The following CALD1 variants were observed in gnomAD, a reference collection of about 807,000 sequenced individuals.
CALD1 encodes the protein caldesmon 1.
Under a neutral mutation model 99.9 loss-of-function variants are expected in CALD1, and 33 were observed. The observed-to-expected ratio is 0.33, with a 90% CI of 0.25 to 0.44. The LOEUF is 0.44. Among genes scored for constraint, CALD1 ranks in the 20% least tolerant of loss-of-function variants. The probability of loss-of-function intolerance (pLI) is 1.00; values close to 1 mark genes in which losing one functional copy is unlikely to be tolerated. For missense variants in CALD1, 861 were observed against 962.1 expected (o/e 0.89, Z 1.39); for synonymous variants, 310 against 325.0 (o/e 0.95, Z 0.50).
intron 3 of CALD1, among the ~76,000 whole-genome samples, chr7:134,917,654 T>C (rs1804314046): frequency 6.6e-6 from 1 of 152,146 alleles, no homozygotes; most frequent in African/African-American, 2.4e-5. Context: ...CAGGCCTATT[T>C]AAAATTCTTA....
intron 3 of CALD1, among the ~76,000 whole-genome samples, chr7:134,917,515 A>C (rs1457641172): frequency 1.3e-5 from 2 of 151,890 alleles, no homozygotes; most frequent in Non-Finnish European, 2.9e-5. Context: ...CGCCCAGCTA[A>C]CTTTTTGTAT....
At chr7:134,761,908 A>G (rs1796781886) in intron 1 of CALD1, among the ~76,000 whole-genome samples, 1 of 152,166 alleles carries the variant, frequency 6.6e-6, no homozygotes. Context: ...GCAGCTTATA[A>G]ACCATCTTAA....
chr7:134,941,206 C>A lies in CALD1; in HGVS notation c.1501C>A (p.His501Asn), dbSNP rs148249348. Residue 501 changes from histidine (H) to asparagine (N), a missense_variant, in exon 7 of 15, where the codon CAC becomes AAC. This residue lies in a region of CALD1 where 293 missense variants were observed against 262.7 expected (regional missense o/e 1.12). Coordinates refer to ENST00000361675, the MANE Select transcript of CALD1 (RefSeq NM_033138.4). ...GTCGCAGAATGGAGAATTCATGACCCACAAACTTAAACATACTGAGAATAC... is the reference window on the plus strand; with the variant it reads ...GTCGCAGAATGGAGAATTCATGACCAACAAACTTAAACATACTGAGAATAC... ...VKSQNGEFMT[H>N]KLKHTENTFS... 1.7e-5 allele frequency: 27 copies of A among 1,611,296 alleles called. No individual in the cohort carries two copies. The African/African-American group carries it at 3.6e-4, about 22-fold the overall frequency.
intron 1 of CALD1, among the ~76,000 whole-genome samples, chr7:134,789,396 C>G (rs1036853553): frequency 8.5e-5 from 13 of 152,132 alleles, no homozygotes; most frequent in Non-Finnish European, 1.6e-4. Flanking sequence ...ACTGAGACTC[C>G]TCTTTTGTAT....
intron 13 of CALD1, among the ~76,000 whole-genome samples, chr7:134,963,133 TAAAC>T (rs1055201795): frequency 1.3e-4 from 20 of 152,200 alleles, no homozygotes; most frequent in African/African-American, 4.8e-4. Context: ...ATGAATCAAA[TAAAC>T]AAAGCGATAA....
At chr7:134,792,971 C>T (rs1797601797) in intron 1 of CALD1, among the ~76,000 whole-genome samples, 1 of 152,214 alleles carries the variant, frequency 6.6e-6, no homozygotes, top group Non-Finnish European at 1.5e-5. Flanking sequence ...CATTAAAAGT[C>T]AAAAGAGGTT....
At chr7:134,955,312 C>G (rs6954260) in intron 9 of CALD1, among the ~76,000 whole-genome samples, 4,375 of 152,236 alleles carry the variant, frequency 0.029, 194 homozygotes, top group African/African-American at 0.1. Flanking sequence ...CACTTGAACC[C>G]GGGAGGTGGA....
the CALD1 span, among the ~76,000 whole-genome samples, chr7:134,737,761 C>T: frequency 0.036 from 5,408 of 152,160 alleles, 198 homozygotes; most frequent in East Asian, 0.11. Flanking sequence ...CTTGCTTGCT[C>T]CTGTGAAACC....
intron 9 of CALD1, among the ~76,000 whole-genome samples, chr7:134,954,049 C>A (rs1807580156): frequency 6.6e-6 from 1 of 152,152 alleles, no homozygotes; most frequent in South Asian, 2.1e-4. Context: ...CTTGGCCCTG[C>A]AACTTTTATA....
intron 1 of CALD1, among the ~76,000 whole-genome samples, chr7:134,793,102 G>A (rs1797606626): frequency 6.6e-6 from 1 of 152,212 alleles, no homozygotes; most frequent in Admixed American, 6.5e-5. Context: ...GGGCTCAGTG[G>A]GAAGGCTTGG....
chr7:134,712,379 T>C, the CALD1 span, among the ~76,000 whole-genome samples: 1 of 152,192 alleles, frequency 6.6e-6, no homozygotes, highest in East Asian at 1.9e-4. Flanking sequence ...GGTGGAGAGA[T>C]GGGACCCGGA....
chr7:134,724,102 C>T, the CALD1 span, among the ~76,000 whole-genome samples: 2 of 152,162 alleles, frequency 1.3e-5, no homozygotes, highest in Admixed American at 1.3e-4. Context: ...GACTTTGCTG[C>T]CCAGAGGGAT....
At chr7:134,737,167 C>A in the CALD1 span, among the ~76,000 whole-genome samples, 2,227 of 152,268 alleles carry the variant, frequency 0.015, 56 homozygotes, top group African/African-American at 0.051. Context: ...ATCTGTCATC[C>A]AGGCTGGAGT....
At chr7:134,863,010 C>A in intron 2 of CALD1, among the ~76,000 whole-genome samples, 1 of 152,164 alleles carries the variant, frequency 6.6e-6, no homozygotes. Context: ...TTTCTCATGG[C>A]ATCTCACCAT....
intron 3 of CALD1, among the ~76,000 whole-genome samples, chr7:134,892,933 T>G (rs1226205896): frequency 1.3e-5 from 2 of 151,182 alleles, no homozygotes; most frequent in Non-Finnish European, 2.9e-5. Flanking sequence ...TAGGTCTCCA[T>G]GGAATAGTTC....
At chr7:134,711,628 T>TTCTC in the CALD1 span, among the ~76,000 whole-genome samples, 4,172 of 63,380 alleles carry the variant, frequency 0.066, 291 homozygotes, top group East Asian at 0.17. Context: ...CAACCTCAGC[T>TTCTC]TCTCTCTCTC....
At chr7:134,967,703 G>C (rs955527141) in intron 14 of CALD1, among the ~76,000 whole-genome samples, 3 of 152,082 alleles carry the variant, frequency 2.0e-5, no homozygotes, top group African/African-American at 7.2e-5. Context: ...GGCTCTTACA[G>C]TGGGGCTTAA....
intron 1 of CALD1, among the ~76,000 whole-genome samples, chr7:134,744,717 C>T (rs1796620320): frequency 6.6e-6 from 1 of 152,082 alleles, no homozygotes; most frequent in South Asian, 2.1e-4. Context: ...ACCTGCAAGT[C>T]GTTCCCTAGA....
intron 3 of CALD1, among the ~76,000 whole-genome samples, chr7:134,894,628 T>C (rs1317998215): frequency 1.3e-5 from 2 of 152,314 alleles, no homozygotes; most frequent in East Asian, 3.9e-4. Context: ...TAGAGCAAGA[T>C]TGGCTGTGAT....
Sources: allele counts gnomAD v4.1 joint callset (sites outside exome capture counted in the v4.1 genomes callset), GRCh38; gene constraint gnomAD v4.1.1; regional missense constraint gnomAD v4.1.1; transcripts MANE v1.5; gene names NCBI Gene and HGNC (gene_info 2026-07-23, HGNC 2026-07-21).